Variants in LRP1B observed in about 807,000 individuals in gnomAD.
The protein encoded by LRP1B is low-density lipoprotein receptor-related protein 1B.
LRP1B carries 217 observed loss-of-function variants against 556.6 expected under a neutral mutation model. The observed-to-expected ratio is 0.39, with a 90% CI of 0.35 to 0.44. The LOEUF is 0.44. LRP1B is among the 20% of genes least tolerant of loss of function. The pLI, the probability that LRP1B is intolerant of heterozygous loss-of-function variation, is 1.00. For synonymous variants in LRP1B, 2,047 were observed against 1,865.8 expected (o/e 1.10, Z -2.50); for missense variants, 5,053 against 5,620.8 (o/e 0.90, Z 3.23).
At chr2:141,425,382 G>A (rs1680321473) in intron 3 of LRP1B, among the ~76,000 whole-genome samples, 1 of 149,346 alleles carries the variant, frequency 6.7e-6, no homozygotes, top group African/African-American at 2.5e-5. Flanking sequence ...ATAAACATAT[G>A]TGTGCATGTG....
intron 6 of LRP1B, among the ~76,000 whole-genome samples, chr2:141,223,706 T>C (rs1452564600): frequency 2.6e-5 from 4 of 152,166 alleles, no homozygotes; most frequent in Non-Finnish European, 5.9e-5. Context: ...TGGAACAGAA[T>C]AGAGAACTCA....
At chr2:140,941,376 A>C (rs923668553) in intron 20 of LRP1B, among the ~76,000 whole-genome samples, 1 of 152,172 alleles carries the variant, frequency 6.6e-6, no homozygotes, top group African/African-American at 2.4e-5. Flanking sequence ...ACTGAAAGTC[A>C]ATACGGGCAA....
chr2:141,278,774 G>T (rs911738962), intron 3 of LRP1B, among the ~76,000 whole-genome samples: 5 of 152,110 alleles, frequency 3.3e-5, no homozygotes, highest in African/African-American at 1.2e-4. Flanking sequence ...GCCTAAACTG[G>T]TCTTCTGTTT....
At chr2:140,407,024 C>T (rs1250526145) in intron 66 of LRP1B, among the ~76,000 whole-genome samples, 3 of 151,886 alleles carry the variant, frequency 2.0e-5, no homozygotes, top group African/African-American at 7.3e-5. Flanking sequence ...ACAAAGAATC[C>T]AAAAATAAAG....
intron 2 of LRP1B, among the ~76,000 whole-genome samples, chr2:141,646,385 G>T (rs761235817): frequency 6.6e-6 from 1 of 152,018 alleles, no homozygotes; most frequent in African/African-American, 2.4e-5. Flanking sequence ...CCTCCCATGG[G>T]TAATGTTTCA....
intron 3 of LRP1B, among the ~76,000 whole-genome samples, chr2:141,456,877 G>A (rs968188353): frequency 2.6e-5 from 4 of 152,168 alleles, no homozygotes; most frequent in Non-Finnish European, 5.9e-5. Context: ...AAGAAAGGCT[G>A]GAAGATGAGG....
Position 142,129,572 on chromosome 2 carries a change from TTCTTTCTC to T in LRP1B, c.82+1068_82+1075del, listed in dbSNP as rs1288848385. ...ATTTGCTTGGCATTGGGATCTGGGT[TTCTTTCTC>T]TCTTTCTCTCTCTCTCTCTCTCTCT... On this transcript the variant is annotated intron_variant, in intron 1 of 90. Coordinates refer to ENST00000389484, the MANE Select transcript of LRP1B (RefSeq NM_018557.3). 6.0e-4 allele frequency among the ~76,000 whole-genome samples: 82 copies of T among 137,364 alleles called. No homozygotes were observed. In the South Asian group the frequency reaches 6.1e-3, roughly 10 times the overall value. 90.1% of individuals were successfully genotyped at this position (137,364 alleles called of 152,430 possible).
At chr2:141,320,135 C>T (rs933595244) in intron 3 of LRP1B, among the ~76,000 whole-genome samples, 5 of 151,960 alleles carry the variant, frequency 3.3e-5, no homozygotes, top group African/African-American at 4.8e-5. Context: ...TAATTGTGTA[C>T]AATATATTAT....
intron 20 of LRP1B, among the ~76,000 whole-genome samples, chr2:140,928,336 A>T (rs1026281480): frequency 6.6e-6 from 1 of 152,160 alleles, no homozygotes; most frequent in Non-Finnish European, 1.5e-5. Context: ...TAACAGACCA[A>T]TACAAAATCG....
intron 3 of LRP1B, among the ~76,000 whole-genome samples, chr2:141,338,349 C>T (rs1439424405): frequency 1.3e-5 from 2 of 152,110 alleles, no homozygotes; most frequent in Non-Finnish European, 2.9e-5. Flanking sequence ...CTTTGAGACT[C>T]AGGAGTACCC....
chr2:141,328,799 T>C (rs1314310120), intron 3 of LRP1B, among the ~76,000 whole-genome samples: 2 of 152,168 alleles, frequency 1.3e-5, no homozygotes, highest in African/African-American at 2.4e-5. Flanking sequence ...ATCTGTCTAA[T>C]GCAGGAAGAG....
At chr2:140,951,713 TGCTA>T in intron 19 of LRP1B, 143 bp downstream of exon 19, 1 of 616,652 alleles carries the variant, frequency 1.6e-6, no homozygotes, top group Non-Finnish European at 2.9e-6. Context: ...ACTGATGTGC[TGCTA>T]GCTGCCCGCT....
At chr2:142,003,573 C>A (rs1242825760) in intron 1 of LRP1B, among the ~76,000 whole-genome samples, 1 of 152,178 alleles carries the variant, frequency 6.6e-6, no homozygotes, top group African/African-American at 2.4e-5. Flanking sequence ...ATGAGCAGGA[C>A]CACCTAAAGT....
intron 7 of LRP1B, among the ~76,000 whole-genome samples, chr2:141,119,379 A>T (rs1700986583): frequency 6.6e-6 from 1 of 151,880 alleles, no homozygotes; most frequent in South Asian, 2.1e-4. Flanking sequence ...GTCTCTATGC[A>T]TTCTCTTTCA....
In LRP1B at chr2:140,507,499, G is replaced by A. The variant is rs370789852; in HGVS notation, c.8399-581C>T. Among the ~76,000 whole-genome samples the A allele has an allele frequency of 9.2e-5, 14 of 152,134 alleles. 1 individual carries two copies. In the South Asian group the frequency reaches 2.5e-3, roughly 27 times the overall value. ...GATCTTTGATGTCATCAGCCCCTCC[G>A]TAAGTACCACACAAATGAAATGGAA... On this transcript the variant is annotated intron_variant, in intron 52 of 90. Coordinates refer to ENST00000389484, the MANE Select transcript of LRP1B (RefSeq NM_018557.3).
At chr2:141,585,774 C>T (rs1687115460) in intron 2 of LRP1B, among the ~76,000 whole-genome samples, 1 of 152,064 alleles carries the variant, frequency 6.6e-6, no homozygotes, top group Admixed American at 6.6e-5. Flanking sequence ...GAACAAATAA[C>T]TTAAATAAAT....
Position 140,233,252 on chromosome 2 carries a change from A to G in LRP1B, c.13734T>C (p.Ser4578=). 3 of 1,605,540 alleles carry G rather than the reference A, an allele frequency of 1.9e-6. No individual in the cohort carries two copies. In the African/African-American group the frequency reaches 4.0e-5, roughly 22 times the overall value. ...GAAGCAGTTCTTTCCTTTCATCAACACTTCCTAAGGAGTTTCGACAGTTTT... is the reference window on the plus strand; with the variant it reads ...GAAGCAGTTCTTTCCTTTCATCAACGCTTCCTAAGGAGTTTCGACAGTTTT... ...DGQNCRNSLG[S]VDERKELLPK... The change falls in exon 91 of 91, where the codon AGT becomes AGC. Residue 4578 remains serine (S), a synonymous_variant. Coordinates refer to ENST00000389484, the MANE Select transcript of LRP1B (RefSeq NM_018557.3).
chr2:141,475,084 C>T (rs1428736029), intron 3 of LRP1B, among the ~76,000 whole-genome samples: 4 of 152,064 alleles, frequency 2.6e-5, no homozygotes, highest in African/African-American at 9.7e-5. Context: ...AATATATTAG[C>T]ACTTGGGGGC....
At chr2:141,688,149 TC>T (rs1444634373) in intron 2 of LRP1B, among the ~76,000 whole-genome samples, 3 of 151,836 alleles carry the variant, frequency 2.0e-5, no homozygotes, top group Non-Finnish European at 2.9e-5. Flanking sequence ...CCAATTTTTT[TC>T]CCTGTCAATT....
Sources: gnomAD v4.1 joint callset for allele counts (sites outside exome capture counted in the v4.1 genomes callset) on GRCh38, gnomAD v4.1.1 for gene constraint, MANE v1.5 for transcripts, NCBI Gene and HGNC (gene_info 2026-07-23, HGNC 2026-07-21) for gene names.